KIFAP3: variants seen among roughly 807,000 people sequenced by gnomAD.
KIFAP3 encodes the protein kinesin-associated protein 3.
In KIFAP3, 68 loss-of-function variants were observed where a neutral mutation model predicts 106.5. The ratio of observed to expected loss-of-function variants is 0.64; its 90% CI spans 0.53 to 0.78. The LOEUF (loss-of-function observed/expected upper bound fraction) is 0.78. Among genes scored for constraint, KIFAP3 ranks in the 30% least tolerant of loss-of-function variants. The pLI is 0.00. For missense variants in KIFAP3, 780 were observed against 941.8 expected (o/e 0.83, Z 2.25); for synonymous variants, 320 against 311.5 (o/e 1.03, Z -0.29).
At chr1:170,070,780 A>G (rs1671670933) in intron 1 of KIFAP3, among the ~76,000 whole-genome samples, 1 of 152,228 alleles carries the variant, frequency 6.6e-6, no homozygotes, top group Non-Finnish European at 1.5e-5. Context: ...TTAAATAACG[A>G]TGCCAAAAGC....
chr1:170,019,561 G>A (rs996576214), intron 9 of KIFAP3, among the ~76,000 whole-genome samples: 1 of 152,014 alleles, frequency 6.6e-6, no homozygotes, highest in East Asian at 1.9e-4. Flanking sequence ...ACAGTCTTTA[G>A]ACTGTTGCGA....
intron 3 of KIFAP3, 103 bp from the exon 4 acceptor site, chr1:170,039,391 T>C (rs776141712): frequency 2.7e-5 from 16 of 596,516 alleles, no homozygotes; most frequent in Non-Finnish European, 4.5e-5. Flanking sequence ...ACTGGGGATA[T>C]TAAAACTAAA....
At chr1:169,996,621 C>A (rs1287840569) in intron 10 of KIFAP3, among the ~76,000 whole-genome samples, 2 of 152,144 alleles carry the variant, frequency 1.3e-5, no homozygotes, top group Non-Finnish European at 2.9e-5. Context: ...CTAGGTCTGA[C>A]TATAAAGCTC....
chr1:169,927,612 G>A (rs1326006919), intron 19 of KIFAP3, among the ~76,000 whole-genome samples: 1 of 152,102 alleles, frequency 6.6e-6, no homozygotes, highest in South Asian at 2.1e-4. Flanking sequence ...CTCTAGTATT[G>A]TATCTGACAT....
At chr1:170,056,896 A>C (rs566273138) in intron 1 of KIFAP3, among the ~76,000 whole-genome samples, 6 of 152,254 alleles carry the variant, frequency 3.9e-5, no homozygotes, top group African/African-American at 1.4e-4. Context: ...GCCAGCAAAA[A>C]TCGAGGAATT....
intron 10 of KIFAP3, among the ~76,000 whole-genome samples, chr1:169,997,375 T>C (rs1667418486): frequency 6.6e-6 from 1 of 152,226 alleles, no homozygotes; most frequent in Non-Finnish European, 1.5e-5. Flanking sequence ...TTTTCTGTTT[T>C]ACTAATACAA....
intron 18 of KIFAP3, among the ~76,000 whole-genome samples, chr1:169,957,114 A>G (rs1665056559): frequency 2.0e-5 from 3 of 152,204 alleles, no homozygotes; most frequent in Non-Finnish European, 4.4e-5. Flanking sequence ...ACCAAAATTA[A>G]TTCTTTTAGG....
intron 19 of KIFAP3, among the ~76,000 whole-genome samples, chr1:169,926,814 A>G (rs1226442159): frequency 6.6e-6 from 1 of 152,116 alleles, no homozygotes; most frequent in Non-Finnish European, 1.5e-5. Flanking sequence ...CTACATATTT[A>G]TAAATAGGCA....
intron 19 of KIFAP3, among the ~76,000 whole-genome samples, chr1:169,935,999 T>C (rs1558176313): frequency 6.6e-6 from 1 of 151,938 alleles, no homozygotes; most frequent in Non-Finnish European, 1.5e-5. Context: ...GTAAATTCTA[T>C]AAGATTATAG....
chr1:170,062,176 AAAAT>A (rs1305973254), intron 1 of KIFAP3, among the ~76,000 whole-genome samples: 1 of 151,524 alleles, frequency 6.6e-6, no homozygotes, highest in African/African-American at 2.4e-5. Flanking sequence ...AAAAAAGAGT[AAAAT>A]AAATAAATAA....
Position 170,048,831 on chromosome 1 carries a change from C to T in KIFAP3, c.165-1965G>A, listed in dbSNP as rs144866052. Among the ~76,000 whole-genome samples, 557 of 152,162 alleles carry T rather than the reference C, an allele frequency of 3.7e-3. 7 individuals carry two copies. The highest frequency in any genetic ancestry group is 0.012 in the African/African-American group (497 of 41,516). ...TGCTTTTCCCACAGTTTTTGCAGTC[C>T]GCAGATCAGGAGAATCCTTGGTGAG... On this transcript the variant is annotated intron_variant, in intron 2 of 19. Transcript: ENST00000361580.
chr1:170,048,966 G>T (rs765583036), intron 2 of KIFAP3, among the ~76,000 whole-genome samples: 1 of 152,214 alleles, frequency 6.6e-6, no homozygotes, highest in Non-Finnish European at 1.5e-5. Flanking sequence ...TGGAATCCCA[G>T]TGAGACAGAA....
intron 19 of KIFAP3, among the ~76,000 whole-genome samples, chr1:169,943,024 C>G (rs1664227537): frequency 6.7e-6 from 1 of 149,894 alleles, no homozygotes; most frequent in African/African-American, 2.5e-5. Flanking sequence ...TTGCAGATTC[C>G]TTTCTCATTT....
At chr1:170,071,098 G>A (rs1671684137) in intron 1 of KIFAP3, among the ~76,000 whole-genome samples, 1 of 152,212 alleles carries the variant, frequency 6.6e-6, no homozygotes, top group South Asian at 2.1e-4. Context: ...AGGTGTTAGT[G>A]AGGATACGGA....
chr1:170,020,511 G>A (rs979678427), intron 9 of KIFAP3, among the ~76,000 whole-genome samples: 1 of 152,054 alleles, frequency 6.6e-6, no homozygotes, highest in Non-Finnish European at 1.5e-5. Flanking sequence ...CTGGAGCGAC[G>A]ATCTTGGCTC....
At chr1:169,930,572 C>T (rs944092252) in intron 19 of KIFAP3, among the ~76,000 whole-genome samples, 1 of 152,234 alleles carries the variant, frequency 6.6e-6, no homozygotes, top group Non-Finnish European at 1.5e-5. Context: ...TCTTCCCCTA[C>T]CTAGGGTCTT....
At chr1:170,015,288 T>C (rs1036411369) in intron 10 of KIFAP3, among the ~76,000 whole-genome samples, 5 of 152,180 alleles carry the variant, frequency 3.3e-5, no homozygotes, top group African/African-American at 4.8e-5. Flanking sequence ...TCTTCATACA[T>C]TGAGAAGCTG....
intron 10 of KIFAP3, among the ~76,000 whole-genome samples, chr1:170,000,839 GA>G (rs1244445727): frequency 3.3e-5 from 5 of 151,984 alleles, no homozygotes; most frequent in African/African-American, 9.7e-5. Context: ...CAGTTAAGGG[GA>G]AAAAATAACA....
chr1:170,047,977 T>C (rs545808711), intron 2 of KIFAP3, among the ~76,000 whole-genome samples: 399 of 152,296 alleles, frequency 2.6e-3, no homozygotes, highest in Non-Finnish European at 4.3e-3. Flanking sequence ...AGCCACTGTG[T>C]AGAATTATTT....
Sources: allele counts gnomAD v4.1 joint callset (sites outside exome capture counted in the v4.1 genomes callset), GRCh38; gene constraint gnomAD v4.1.1; transcripts MANE v1.5; gene names NCBI Gene and HGNC (gene_info 2026-07-23, HGNC 2026-07-21).